PRKCB: variants seen among roughly 807,000 people sequenced by gnomAD.
PRKCB encodes protein kinase C beta type.
PRKCB carries 13 observed loss-of-function variants against 81.5 expected under a neutral mutation model. The ratio of observed to expected loss-of-function variants is 0.16; its 90% CI spans 0.10 to 0.25. The LOEUF (loss-of-function observed/expected upper bound fraction) is 0.25, where lower values mean the gene tolerates loss of function less well. Among genes scored for constraint, PRKCB ranks in the 10% least tolerant of loss-of-function variants. The pLI is 1.00. For missense variants in PRKCB, 509 were observed against 875.7 expected, an observed-to-expected ratio of 0.58 and a Z score of 5.29; for synonymous variants, 335 against 321.4, an observed-to-expected ratio of 1.04 and a Z score of -0.45.
chr16:24,048,126 C>A (rs1355574908), intron 5 of PRKCB, among the ~76,000 whole-genome samples: 1 of 152,244 alleles, frequency 6.6e-6, no homozygotes, highest in African/African-American at 2.4e-5. Flanking sequence ...TTTACCACTA[C>A]CAACAAAACC....
At chr16:24,079,929 G>A (rs1365129987) in intron 5 of PRKCB, among the ~76,000 whole-genome samples, 4 of 152,264 alleles carry the variant, frequency 2.6e-5, no homozygotes, top group South Asian at 2.1e-4. Flanking sequence ...TTAAAAGGAC[G>A]AATGGTTATT....
At chr16:23,852,943 C>T (rs1567290213) in intron 2 of PRKCB, among the ~76,000 whole-genome samples, 1 of 152,150 alleles carries the variant, frequency 6.6e-6, no homozygotes, top group Non-Finnish European at 1.5e-5. Context: ...TTTAGTTTTG[C>T]ATAGAGGAAG....
intron 3 of PRKCB, among the ~76,000 whole-genome samples, chr16:24,030,898 C>CAAA (rs71154267): frequency 1.5e-5 from 2 of 130,438 alleles, no homozygotes; most frequent in African/African-American, 2.9e-5. Context: ...AACTCTATCT[C>CAAA]AAAAAAAAAA....
chr16:23,903,464 C>T (rs938688497), intron 2 of PRKCB, among the ~76,000 whole-genome samples: 19 of 151,962 alleles, frequency 1.3e-4, no homozygotes, highest in African/African-American at 4.4e-4. Context: ...TCAGAAATGC[C>T]TTAATTTTGT....
intron 3 of PRKCB, among the ~76,000 whole-genome samples, chr16:24,000,641 G>A (rs181478070): frequency 6.3e-4 from 96 of 152,282 alleles, no homozygotes; most frequent in African/African-American, 2.2e-3. Context: ...ACATGAAAGC[G>A]CTTGGCACAG....
At chr16:24,165,668 T>C (rs577945659) in intron 10 of PRKCB, among the ~76,000 whole-genome samples, 2 of 152,308 alleles carry the variant, frequency 1.3e-5, no homozygotes, top group South Asian at 4.1e-4. Context: ...AGAGCCAGAC[T>C]GGATATTGCA....
At chr16:24,154,254 A>G (rs1967121060) in intron 9 of PRKCB, among the ~76,000 whole-genome samples, 1 of 152,214 alleles carries the variant, frequency 6.6e-6, no homozygotes, top group Non-Finnish European at 1.5e-5. Flanking sequence ...AAGCCAGGGC[A>G]GGTGGATTGC....
chr16:24,135,644 C>T (rs1235630219), intron 9 of PRKCB, among the ~76,000 whole-genome samples: 2 of 152,088 alleles, frequency 1.3e-5, no homozygotes, highest in African/African-American at 4.8e-5. Flanking sequence ...CCAAGCCCGG[C>T]ACCAGATTTT....
rs116248735 is a variant in PRKCB, at chr16:23,923,645, T to C, written c.206-64863T>C. 7.5e-3 allele frequency among the ~76,000 whole-genome samples: 1,146 copies of C among 152,228 alleles called. 11 individuals carry two copies. Among genetic ancestry groups the C allele is most frequent in the African/African-American group, 0.027 (1,105 of 41,564 alleles). Reference sequence around the variant, plus strand: ...CTTGAATTCCCTTCATAGCACGCCATTGGTGACTGTCCAATCTTCAGTTAC... The same window carrying C: ...CTTGAATTCCCTTCATAGCACGCCACTGGTGACTGTCCAATCTTCAGTTAC... On this transcript the variant is annotated intron_variant, in intron 2 of 16. Coordinates refer to ENST00000643927, the MANE Select transcript of PRKCB (RefSeq NM_002738.7).
chr16:23,988,982 A>T (rs1009009097), intron 3 of PRKCB, among the ~76,000 whole-genome samples: 1 of 151,994 alleles, frequency 6.6e-6, no homozygotes, highest in Non-Finnish European at 1.5e-5. Flanking sequence ...TATTTTTCAG[A>T]TGGAGTCTTG....
intron 2 of PRKCB, among the ~76,000 whole-genome samples, chr16:23,973,935 T>G (rs1964591608): frequency 6.6e-6 from 1 of 152,212 alleles, no homozygotes; most frequent in Admixed American, 6.5e-5. Flanking sequence ...CCTCCCAAAG[T>G]GCTGGGATTA....
At position 23,836,418 on chromosome 16, in the gene PRKCB, G is replaced by T. The variant is rs1426030772; in HGVS notation, c.173+70G>T. 14 of 1,434,528 alleles carry T rather than the reference G, an allele frequency of 9.8e-6. No homozygotes were observed. In the Admixed American group the frequency reaches 3.5e-4, roughly 36 times the overall value. The allele number at this position is 1,434,528 out of a possible 1,614,324, so 88.9% of individuals were successfully genotyped here. A position where few individuals can be genotyped will look rare whatever the true frequency, so the allele number is the denominator to read the frequency against. On this transcript the variant is annotated intron_variant, in intron 1 of 16. Transcript: ENST00000643927. ...GCGCCGCGCCAGGGACCCCCTCTCC[G>T]CGCCCTCTGCGCCCTCCGCGCCCTC...
intron 7 of PRKCB, among the ~76,000 whole-genome samples, chr16:24,111,757 T>C (rs147726605): frequency 0.011 from 1,674 of 152,244 alleles, 40 homozygotes; most frequent in African/African-American, 0.037. Flanking sequence ...ATGATTGTGC[T>C]GCTGCACTCC....
chr16:24,217,900 G>T lies in PRKCB; in HGVS notation c.*3084G>T. On this transcript the variant is annotated 3_prime_UTR_variant, in exon 17 of 17. Coordinates refer to ENST00000643927, the MANE Select transcript of PRKCB (RefSeq NM_002738.7). The stretch of plus-strand genomic sequence containing the variant: ...CATACAGGGGTTCAAAAGGGACAGT[G>T]GCCCATTTGGGAGACCTTTAGGATC... The T allele has an allele frequency of 1.0e-6, 1 of 985,348 alleles. No individual in the cohort carries two copies. The highest frequency in any genetic ancestry group is 1.2e-6 in the Non-Finnish European group (1 of 829,908). 61.0% of individuals were successfully genotyped at this position (985,348 alleles called of 1,614,324 possible). A position where few individuals can be genotyped will look rare whatever the true frequency, so the allele number is the denominator to read the frequency against.
intron 3 of PRKCB, among the ~76,000 whole-genome samples, chr16:24,017,386 G>T (rs1965293248): frequency 6.6e-6 from 1 of 152,150 alleles, no homozygotes; most frequent in South Asian, 2.1e-4. Flanking sequence ...ATGTAAAAAA[G>T]TGAAACCATA....
chr16:24,134,729 A>G (rs1966859364), intron 9 of PRKCB, among the ~76,000 whole-genome samples: 1 of 150,762 alleles, frequency 6.6e-6, no homozygotes, highest in South Asian at 2.1e-4. Context: ...AGCCTGGGCG[A>G]CAGAGCGAGA....
intron 3 of PRKCB, among the ~76,000 whole-genome samples, chr16:23,989,133 TG>T (rs1567336231): frequency 1.3e-5 from 2 of 152,072 alleles, no homozygotes; most frequent in African/African-American, 2.4e-5. Flanking sequence ...GCTAATTTTT[TG>T]TTTTGTATTT....
intron 7 of PRKCB, 106 bp from the exon 8 acceptor site, chr16:24,112,867 A>AT: frequency 1.3e-6 from 1 of 786,694 alleles, no homozygotes; most frequent in Non-Finnish European, 2.0e-6. Flanking sequence ...CTCAACGTAT[A>AT]TTTTTTCAAG....
intron 12 of PRKCB, chr16:24,175,036 A>G (rs2141968085): frequency 6.5e-6 from 1 of 153,544 alleles, no homozygotes; most frequent in East Asian, 1.9e-4. Flanking sequence ...CCTGAAAGAC[A>G]GGATTAAGTT....
Sources: allele counts gnomAD v4.1 joint callset (sites outside exome capture counted in the v4.1 genomes callset), GRCh38; gene constraint gnomAD v4.1.1; transcripts MANE v1.5; gene names NCBI Gene and HGNC (gene_info 2026-07-23, HGNC 2026-07-21).